Variants in RIMS2 observed in about 807,000 individuals in gnomAD.
The protein encoded by RIMS2 is regulating synaptic membrane exocytosis protein 2.
RIMS2 carries 59 observed loss-of-function variants against 174.4 expected under a neutral mutation model. The observed-to-expected ratio is 0.34, with a 90% CI of 0.27 to 0.42. The LOEUF (loss-of-function observed/expected upper bound fraction) is 0.42. Among genes scored for constraint, RIMS2 ranks in the 10% least tolerant of loss-of-function variants. The probability of loss-of-function intolerance (pLI) is 1.00; values close to 1 mark genes in which losing one functional copy is unlikely to be tolerated. For synonymous variants in RIMS2, 606 were observed against 572.5 expected (o/e 1.06, Z -0.84); for missense variants, 1,620 against 1,666.3 (o/e 0.97, Z 0.48).
chr8:104,106,306 T>G (rs1011987997), intron 19 of RIMS2, among the ~76,000 whole-genome samples: 1 of 152,042 alleles, frequency 6.6e-6, no homozygotes, highest in African/African-American at 2.4e-5. Context: ...AGTTAGTAAC[T>G]TCTATTTATT....
chr8:103,744,047 T>C lies in RIMS2; in HGVS notation c.388-22180T>C, dbSNP rs2097784816. 5.3e-5 allele frequency among the ~76,000 whole-genome samples: 8 copies of C among 151,896 alleles called. No homozygotes were observed. The Admixed American group carries it at 5.3e-4, about 10-fold the overall frequency. ...AGTTGTGTAGGATTTTTTGTTGTTG[T>C]TTGTTTGTTTGTTTTTTGAGACGAA... On this transcript the variant is annotated intron_variant, in intron 2 of 23. Coordinates refer to ENST00000504942, the Ensembl canonical transcript of RIMS2.
At chr8:103,938,556 C>T (rs11783512) in intron 13 of RIMS2, among the ~76,000 whole-genome samples, 19,246 of 152,028 alleles carry the variant, frequency 0.13, 1,663 homozygotes, top group Non-Finnish European at 0.19. Flanking sequence ...CAAACCATAT[C>T]ATTCCATTCT....
chr8:104,192,151 C>G (rs1347532980), intron 19 of RIMS2, among the ~76,000 whole-genome samples: 3 of 152,020 alleles, frequency 2.0e-5, no homozygotes, highest in Non-Finnish European at 4.4e-5. Context: ...TTTATAAATT[C>G]CAGTAGGAAA....
intron 14 of RIMS2, among the ~76,000 whole-genome samples, chr8:103,951,497 A>G (rs2085350734): frequency 6.6e-6 from 1 of 152,192 alleles, no homozygotes; most frequent in African/African-American, 2.4e-5. Context: ...TCACCCAGGA[A>G]GTGCAAGGGG....
chr8:103,539,317 A>G (rs1841410393), intron 1 of RIMS2, among the ~76,000 whole-genome samples: 1 of 152,222 alleles, frequency 6.6e-6, no homozygotes, highest in Non-Finnish European at 1.5e-5. Flanking sequence ...GGCCTCAAAT[A>G]CACCACCAAG....
At chr8:103,888,471 T>G (rs1225517647) in intron 4 of RIMS2, among the ~76,000 whole-genome samples, 1 of 151,392 alleles carries the variant, frequency 6.6e-6, no homozygotes, top group Non-Finnish European at 1.5e-5. Context: ...TTTGCCAGAG[T>G]ATATCATGAT....
intron 4 of RIMS2, among the ~76,000 whole-genome samples, chr8:103,902,686 C>G (rs555453256): frequency 7.9e-5 from 12 of 152,240 alleles, no homozygotes; most frequent in Admixed American, 7.2e-4. Context: ...TCCAGGAAGG[C>G]TTCAGCAATA....
At chr8:103,944,003 T>C (rs1396569052) in intron 14 of RIMS2, among the ~76,000 whole-genome samples, 1 of 152,140 alleles carries the variant, frequency 6.6e-6, no homozygotes, top group Non-Finnish European at 1.5e-5. Context: ...GTTAGAAGTC[T>C]GCTTGATTAG....
intron 2 of RIMS2, among the ~76,000 whole-genome samples, chr8:103,754,334 G>T (rs1273222963): frequency 6.6e-6 from 1 of 152,162 alleles, no homozygotes; most frequent in Non-Finnish European, 1.5e-5. Context: ...TTGCTGAGGA[G>T]TGTTTTACTT....
chr8:103,957,717 T>C (rs1382335056), intron 14 of RIMS2, among the ~76,000 whole-genome samples: 4 of 152,122 alleles, frequency 2.6e-5, no homozygotes, highest in African/African-American at 9.7e-5. Flanking sequence ...GTAACAAACC[T>C]GCACGTTGTT....
intron 4 of RIMS2, among the ~76,000 whole-genome samples, chr8:103,891,581 G>T (rs1258485973): frequency 6.6e-6 from 1 of 152,028 alleles, no homozygotes; most frequent in Non-Finnish European, 1.5e-5. Flanking sequence ...GAGAGTTTTA[G>T]TTTCTTCTGT....
chr8:103,941,364 G>T (rs757259565), intron 13 of RIMS2, among the ~76,000 whole-genome samples: 1 of 152,084 alleles, frequency 6.6e-6, no homozygotes, highest in Non-Finnish European at 1.5e-5. Flanking sequence ...GGTGCATACA[G>T]TAGTGCCAGC....
chr8:103,539,160 G>T (rs1336344301), intron 1 of RIMS2, among the ~76,000 whole-genome samples: 2 of 152,192 alleles, frequency 1.3e-5, no homozygotes, highest in Non-Finnish European at 2.9e-5. Context: ...GATTGTATCT[G>T]TGAATAGCCA....
chr8:104,125,809 A>C (rs1267094858), intron 19 of RIMS2, among the ~76,000 whole-genome samples: 3 of 152,204 alleles, frequency 2.0e-5, no homozygotes, highest in Admixed American at 6.5e-5. Flanking sequence ...AAGGTCACAC[A>C]TATTTAACTA....
intron 19 of RIMS2, among the ~76,000 whole-genome samples, chr8:104,146,811 C>T (rs921023844): frequency 6.6e-6 from 1 of 152,146 alleles, no homozygotes; most frequent in African/African-American, 2.4e-5. Flanking sequence ...GGTGATCCTC[C>T]TGTGCCTCCG....
At chr8:104,015,393 C>T (rs1325442120) in intron 19 of RIMS2, 1 of 669,130 alleles carries the variant, frequency 1.5e-6, no homozygotes, top group Non-Finnish European at 2.7e-6. Context: ...TGTTTTTGTT[C>T]TGTTTTTTGT....
At chr8:103,936,838 G>C (rs1055929393) in intron 13 of RIMS2, 116 bp downstream of exon 15, 15 of 749,566 alleles carry the variant, frequency 2.0e-5, no homozygotes, top group African/African-American at 3.7e-5. Flanking sequence ...GCTCATGCCT[G>C]TAATCTCAGC....
intron 14 of RIMS2, among the ~76,000 whole-genome samples, chr8:103,954,161 T>A (rs1476448840): frequency 6.6e-6 from 1 of 152,122 alleles, no homozygotes; most frequent in African/African-American, 2.4e-5. Context: ...AGTGGGAGAC[T>A]TTAACACCCC....
At chr8:103,811,487 C>A (rs1181470805) in intron 3 of RIMS2, among the ~76,000 whole-genome samples, 1 of 152,172 alleles carries the variant, frequency 6.6e-6, no homozygotes, top group Non-Finnish European at 1.5e-5. Flanking sequence ...CTCTGTCACC[C>A]AGGCTGGAGT....
Sources: allele counts gnomAD v4.1 joint callset (sites outside exome capture counted in the v4.1 genomes callset), GRCh38; gene constraint gnomAD v4.1.1; transcripts MANE v1.5; gene names NCBI Gene and HGNC (gene_info 2026-07-23, HGNC 2026-07-21).